Variants in CEP83 observed in about 807,000 individuals in gnomAD.
CEP83 encodes centrosomal protein 83.
In CEP83, 70 loss-of-function variants were observed where a neutral mutation model predicts 101.9. The ratio of observed to expected loss-of-function variants is 0.69; its 90% CI spans 0.57 to 0.84. The LOEUF (loss-of-function observed/expected upper bound fraction) is 0.84. Ranked by LOEUF, CEP83 falls within the 40% of genes least tolerant of loss-of-function variation. The probability of loss-of-function intolerance (pLI) is 0.00; values close to 1 mark genes in which losing one functional copy is unlikely to be tolerated. For missense variants in CEP83, 715 were observed against 787.2 expected (o/e 0.91, Z 1.10); for synonymous variants, 264 against 267.9 (o/e 0.99, Z 0.14).
At chr12:94,295,324 T>C in the CEP83 span, among the ~76,000 whole-genome samples, 1 of 152,194 alleles carries the variant, frequency 6.6e-6, no homozygotes, top group South Asian at 2.1e-4. Flanking sequence ...TAGGACTCCT[T>C]TGGGGAAACC....
rs1250903855 is a variant in CEP83, at chr12:94,411,817, A to G, written c.204T>C (p.Asn68=). Residue 68 remains asparagine, a synonymous_variant, in exon 4 of 17, where the codon AAT becomes AAC. Coordinates refer to ENST00000397809, the MANE Select transcript of CEP83 (RefSeq NM_016122.3). The stretch of plus-strand genomic sequence containing the variant: ...TTTCATTAAACAGGTGCTTGAGTTC[A>G]TTTTGTAACTTTACATGTTCATTCT... ...RLQNEHVKLQ[N]ELKHLFNEKQ... 1 of 1,612,500 alleles carries G rather than the reference A, an allele frequency of 6.2e-7. No homozygotes were observed. The highest frequency in any genetic ancestry group is 1.3e-5 in the African/African-American group (1 of 75,012).
Position 94,313,008 on chromosome 12 carries a change from G to A in CEP83, c.1717C>T (p.Leu573Phe). The A allele has an allele frequency of 6.8e-6, 10 of 1,477,452 alleles. No individual in the cohort carries two copies. In the East Asian group the frequency reaches 6.9e-5, roughly 10 times the overall value. The allele number at this position is 1,477,452 out of a possible 1,614,324, so 91.5% of individuals were successfully genotyped here. A position where few individuals can be genotyped will look rare whatever the true frequency, so the allele number is the denominator to read the frequency against. ...AAIAQKKRKS[L>F]HENKLKRLQE... is the part of the protein sequence containing the mutation. ...AGTCTTTTCAATTTGTTTTCATGAA[G>A]AGATTTTCTCTAAAAAGAGAAATAT... Residue 573 changes from leucine (L) to phenylalanine (F), a missense_variant, in exon 15 of 17, where the codon CTT (leucine) becomes TTT (phenylalanine). Leu to Phe is a conservative substitution (Grantham distance 22, BLOSUM62 0). Coordinates refer to ENST00000397809, the MANE Select transcript of CEP83 (RefSeq NM_016122.3).
intron 14 of CEP83, among the ~76,000 whole-genome samples, chr12:94,320,815 C>T (rs988996386): frequency 6.6e-6 from 1 of 151,980 alleles, no homozygotes; most frequent in Non-Finnish European, 1.5e-5. Context: ...TCTCCAAGTG[C>T]CTTTAATATT....
At chr12:94,275,603 C>T in the CEP83 span, among the ~76,000 whole-genome samples, 4 of 86,126 alleles carry the variant, frequency 4.6e-5, no homozygotes, top group Non-Finnish European at 9.4e-5. Context: ...CCTGTAATCC[C>T]AGCACTTTGG....
chr12:94,424,078 A>C, intron 2 of CEP83: 1 of 1,610,822 alleles, frequency 6.2e-7, no homozygotes, highest in Non-Finnish European at 8.5e-7. Context: ...CTTGTAGAGG[A>C]GATGTCTGAG....
At chr12:94,408,082 AT>A (rs2063657958) in intron 4 of CEP83, 1 of 152,184 alleles carries the variant, frequency 6.6e-6, no homozygotes. Context: ...CCTCCCAAAG[AT>A]CTGGGATTAG....
chr12:94,295,673 A>G, the CEP83 span, among the ~76,000 whole-genome samples: 1 of 152,104 alleles, frequency 6.6e-6, no homozygotes, highest in African/African-American at 2.4e-5. Flanking sequence ...CCCAACGATT[A>G]TCCTTTCCTG....
At position 94,403,261 on chromosome 12, in the gene CEP83, A is replaced by T. The variant is rs2063358017; in HGVS notation, c.326T>A (p.Ile109Lys). The T allele has an allele frequency of 7.5e-7, 1 of 1,338,608 alleles. No individual in the cohort carries two copies. The highest frequency in any genetic ancestry group is 1.4e-5 in the African/African-American group (1 of 69,434). The allele number at this position is 1,338,608 out of a possible 1,614,324, so 82.9% of individuals were successfully genotyped here. The change falls in exon 5 of 17, where the codon ATA (isoleucine) becomes AAA (lysine). Residue 109 changes from isoleucine to lysine, a missense_variant and splice_region_variant. By Grantham distance (102) the Ile-to-Lys change is moderately radical. Transcript: ENST00000397809. Reference protein sequence around the residue: ...TKDLEEMKLQILTPQKLELLR... With the variant: ...TKDLEEMKLQKLTPQKLELLR... ...CAATTCCAATTTTTGTGGAGTTAAT[A>T]TCTAATATGTAGAGAAATGCAAACA...
chr12:94,298,646 T>C, the CEP83 span: 2 of 1,595,092 alleles, frequency 1.3e-6, no homozygotes, highest in African/African-American at 2.7e-5. Context: ...CAATTCATTC[T>C]GTGCTTGAAA....
chr12:94,329,877 G>A (rs925792223), intron 14 of CEP83, among the ~76,000 whole-genome samples: 24 of 152,250 alleles, frequency 1.6e-4, no homozygotes, highest in African/African-American at 5.5e-4. Flanking sequence ...TATAATAAAT[G>A]CTGTTTTTCC....
intron 2 of CEP83, among the ~76,000 whole-genome samples, chr12:94,422,303 G>A (rs909360994): frequency 3.9e-4 from 59 of 152,180 alleles, no homozygotes; most frequent in African/African-American, 1.4e-3. Flanking sequence ...TGCTCTCATG[G>A]CAAGACTGCT....
At chr12:94,306,031 ATC>A (rs1427946375), downstream of CEP83, 2 of 152,108 alleles carry the variant, frequency 1.3e-5, no homozygotes, top group Admixed American at 1.3e-4. Flanking sequence ...CCTTTTCTTC[ATC>A]TGTTTTTTCA....
At chr12:94,345,857 T>C (rs2059911065) in intron 11 of CEP83, among the ~76,000 whole-genome samples, 1 of 152,192 alleles carries the variant, frequency 6.6e-6, no homozygotes, top group African/African-American at 2.4e-5. Flanking sequence ...TCTTCAATCA[T>C]GTTTATCCAA....
In CEP83 at chr12:94,370,039, G is replaced by A; in HGVS notation, c.934-3C>T. ...TTTGAATGTTTAAGTTCTTTTACCT[G>A]TTGATAATTAAAAACTGAAATTACT... On this transcript the variant is annotated splice_polypyrimidine_tract_variant and splice_region_variant and intron_variant, in intron 8 of 16. Coordinates refer to ENST00000397809, the MANE Select transcript of CEP83 (RefSeq NM_016122.3). 1 of 1,523,946 alleles carries A rather than the reference G, an allele frequency of 6.6e-7. No individual in the cohort carries two copies. Among genetic ancestry groups the A allele is most frequent in the Non-Finnish European group, 9.1e-7 (1 of 1,101,296 alleles). The allele number at this position is 1,523,946 out of a possible 1,614,324, so 94.4% of individuals were successfully genotyped here.
intron 14 of CEP83, among the ~76,000 whole-genome samples, chr12:94,330,782 T>C (rs1166282608): frequency 2.0e-5 from 3 of 152,218 alleles, no homozygotes; most frequent in Non-Finnish European, 4.4e-5. Flanking sequence ...TGGGATGGCC[T>C]GGAAACTATC....
chr12:94,415,046 G>A (rs1383702815), intron 2 of CEP83, among the ~76,000 whole-genome samples: 1 of 151,968 alleles, frequency 6.6e-6, no homozygotes, highest in Non-Finnish European at 1.5e-5. Context: ...GCATAAAAAT[G>A]TGTTTTTATT....
At chr12:94,313,828 T>C (rs1970247479) in intron 14 of CEP83, among the ~76,000 whole-genome samples, 1 of 151,956 alleles carries the variant, frequency 6.6e-6, no homozygotes, top group African/African-American at 2.4e-5. Flanking sequence ...AAAGCAAGAC[T>C]CTGTCTCAAA....
chr12:94,309,747 A>G (rs1274006758), intron 16 of CEP83, among the ~76,000 whole-genome samples, 171 bp downstream of exon 16: 1 of 152,190 alleles, frequency 6.6e-6, no homozygotes, highest in Non-Finnish European at 1.5e-5. Context: ...GCAAATTTCT[A>G]TGCTAAATGA....
intron 2 of CEP83, among the ~76,000 whole-genome samples, chr12:94,434,803 T>G (rs1566197034): frequency 6.6e-6 from 1 of 152,226 alleles, no homozygotes; most frequent in African/African-American, 2.4e-5. Context: ...TAATTTTATT[T>G]TTCCCTTGAA....
Sources: allele counts gnomAD v4.1 joint callset (sites outside exome capture counted in the v4.1 genomes callset), GRCh38; gene constraint gnomAD v4.1.1; transcripts MANE v1.5; gene names NCBI Gene and HGNC (gene_info 2026-07-23, HGNC 2026-07-21).